Variants in EDA observed in about 807,000 individuals in gnomAD.
EDA encodes the protein ectodysplasin-A.
In EDA, 2 loss-of-function variants were observed where a neutral mutation model predicts 23.6. The observed-to-expected ratio is 0.08, with a 90% confidence interval of 0.03 to 0.27. The LOEUF (loss-of-function observed/expected upper bound fraction) is 0.27. EDA is among the 10% of genes least tolerant of loss of function. The pLI, the probability that EDA is intolerant of heterozygous loss-of-function variation, is 1.00. For synonymous variants in EDA, 131 were observed against 132.0 expected (o/e 0.99, Z 0.05); for missense variants, 229 against 324.2 (o/e 0.71, Z 2.26).
At chrX:69,810,713 G>A (rs1457469672) in intron 1 of EDA, among the ~76,000 whole-genome samples, 6 of 103,415 alleles carry the variant, frequency 5.8e-5, no homozygotes, top group Non-Finnish European at 7.8e-5. Context: ...TCGAGATCAC[G>A]CCATTGCACT....
At chrX:69,806,400 G>A in intron 1 of EDA, among the ~76,000 whole-genome samples, 1 of 110,523 alleles carries the variant, frequency 9.0e-6, no homozygotes, top group South Asian at 3.8e-4. Flanking sequence ...TTTAATATTG[G>A]GATTATCAAC....
At chrX:69,955,690 T>C (rs1244504730) in intron 1 of EDA, among the ~76,000 whole-genome samples, 1 of 112,127 alleles carries the variant, frequency 8.9e-6, no homozygotes, top group Non-Finnish European at 1.9e-5. Context: ...TAGCAAACAT[T>C]TATTAAGTGC....
chrX:69,860,198 T>C (rs1194692081), intron 1 of EDA, among the ~76,000 whole-genome samples: 1 of 111,519 alleles, frequency 9.0e-6, no homozygotes, highest in African/African-American at 3.3e-5. Flanking sequence ...ACTCTGTGTC[T>C]TTTAATTGGG....
intron 1 of EDA, among the ~76,000 whole-genome samples, chrX:69,925,822 G>A (rs1423953573): frequency 1.1e-5 from 1 of 92,575 alleles, no homozygotes; most frequent in African/African-American, 3.9e-5. Context: ...ATTAATTACT[G>A]CCTCAATTTT....
At chrX:69,647,610 G>A (rs1283927058) in intron 1 of EDA, among the ~76,000 whole-genome samples, 2 of 111,066 alleles carry the variant, frequency 1.8e-5, no homozygotes, top group East Asian at 2.8e-4. Context: ...ATGATTCTTC[G>A]CTTCTTTGCA....
intron 1 of EDA, among the ~76,000 whole-genome samples, chrX:69,928,058 G>T (rs2018547443): frequency 9.0e-6 from 1 of 111,496 alleles, no homozygotes; most frequent in Non-Finnish European, 1.9e-5. Flanking sequence ...CAATCCCATG[G>T]TGATTGTTAT....
intron 1 of EDA, among the ~76,000 whole-genome samples, chrX:69,713,119 G>A (rs1364723988): frequency 9.2e-6 from 1 of 109,078 alleles, no homozygotes; most frequent in Non-Finnish European, 1.9e-5. Flanking sequence ...GTTAAATGAC[G>A]AGTTAATGGG....
chrX:69,947,198 T>C (rs1376488624), intron 1 of EDA, among the ~76,000 whole-genome samples: 1 of 112,685 alleles, frequency 8.9e-6, no homozygotes, highest in Admixed American at 9.4e-5. Flanking sequence ...CCAGTATATA[T>C]TGTTGCCCTT....
chrX:70,008,649 A>G (rs962622908), intron 2 of EDA, among the ~76,000 whole-genome samples: 1 of 110,690 alleles, frequency 9.0e-6, no homozygotes, highest in Non-Finnish European at 1.9e-5. Context: ...GGTAATGCTG[A>G]CCTCATAGAA....
At chrX:69,636,590 G>C (rs773876757) in intron 1 of EDA, among the ~76,000 whole-genome samples, 1 of 105,934 alleles carries the variant, frequency 9.4e-6, no homozygotes, top group Non-Finnish European at 1.9e-5. Flanking sequence ...ACAATGCCTA[G>C]AACAATGTCA....
intron 1 of EDA, among the ~76,000 whole-genome samples, chrX:69,732,773 C>T (rs1312339444): frequency 8.9e-6 from 1 of 111,982 alleles, no homozygotes; most frequent in African/African-American, 3.2e-5. Flanking sequence ...TGTTTCCTGA[C>T]TTTTTAATGA....
chrX:69,682,554 G>A (rs1408033400), intron 1 of EDA, among the ~76,000 whole-genome samples: 1 of 112,176 alleles, frequency 8.9e-6, no homozygotes, highest in African/African-American at 3.2e-5. Context: ...TCGGAAATGC[G>A]CAGTATTCGG....
At chrX:69,680,538 G>T (rs1282575660) in intron 1 of EDA, among the ~76,000 whole-genome samples, 1 of 59,261 alleles carries the variant, frequency 1.7e-5, no homozygotes, top group Non-Finnish European at 2.7e-5. Context: ...AGGATAGTTA[G>T]CTCTTCTTGT....
At chrX:70,019,403 T>C (rs773225837) in intron 2 of EDA, among the ~76,000 whole-genome samples, 1 of 112,193 alleles carries the variant, frequency 8.9e-6, no homozygotes, top group East Asian at 2.8e-4. Flanking sequence ...TGTATGTTCA[T>C]GGCAGCACTC....
chrX:69,752,119 T>C (rs937238116), intron 1 of EDA, among the ~76,000 whole-genome samples: 2 of 111,507 alleles, frequency 1.8e-5, no homozygotes, highest in South Asian at 3.8e-4. Context: ...CTATGTTGAA[T>C]AGGAGTGGTG....
At chrX:69,921,855 T>A (rs757420484) in intron 1 of EDA, among the ~76,000 whole-genome samples, 1 of 111,414 alleles carries the variant, frequency 9.0e-6, no homozygotes, top group African/African-American at 3.3e-5. Context: ...TGTAAAATTA[T>A]GTGAAGTTTG....
intron 1 of EDA, among the ~76,000 whole-genome samples, chrX:69,815,189 C>A (rs1379374984): frequency 8.9e-6 from 1 of 112,447 alleles, no homozygotes; most frequent in African/African-American, 3.2e-5. Flanking sequence ...GCCATCTCTG[C>A]AGTTCAGTCG....
chrX:69,977,826 G>A (rs1018773526), intron 2 of EDA, among the ~76,000 whole-genome samples: 8 of 112,124 alleles, frequency 7.1e-5, no homozygotes, highest in Non-Finnish European at 1.1e-4. Flanking sequence ...GTTCAAACAC[G>A]AACTAGCTAT....
At chrX:69,683,713 G>A (rs1934453884) in intron 1 of EDA, among the ~76,000 whole-genome samples, 1 of 111,250 alleles carries the variant, frequency 9.0e-6, no homozygotes. Flanking sequence ...CATGGTAGAT[G>A]CTCAATAGAC....
Sources: allele counts gnomAD v4.1 joint callset (sites outside exome capture counted in the v4.1 genomes callset), GRCh38; gene constraint gnomAD v4.1.1; transcripts MANE v1.5; gene names NCBI Gene and HGNC (gene_info 2026-07-23, HGNC 2026-07-21).